Variants in PCDH11X observed in about 807,000 individuals in gnomAD.
The protein encoded by PCDH11X is protocadherin 11 X-linked.
In PCDH11X, 18 loss-of-function variants were observed where a neutral mutation model predicts 53.3. The observed-to-expected ratio is 0.34, with a 90% confidence interval of 0.23 to 0.50. The LOEUF (loss-of-function observed/expected upper bound fraction) is 0.50, where lower values mean the gene tolerates loss of function less well. Among genes scored for constraint, PCDH11X ranks in the 20% least tolerant of loss-of-function variants. The pLI, the probability that PCDH11X is intolerant of heterozygous loss-of-function variation, is 0.98. For missense variants in PCDH11X, 570 were observed against 1,032.4 expected (o/e 0.55, Z 6.14); for synonymous variants, 279 against 393.3 (o/e 0.71, Z 3.44).
chrX:92,492,494 T>A (rs1172957422), intron 10 of PCDH11X, among the ~76,000 whole-genome samples: 1 of 112,361 alleles, frequency 8.9e-6, no homozygotes, highest in Admixed American at 9.5e-5. Flanking sequence ...AATCATTTTA[T>A]TTTGTTCTCT....
intron 8 of PCDH11X, among the ~76,000 whole-genome samples, chrX:92,381,185 T>A (rs1603295163): frequency 9.5e-6 from 1 of 105,070 alleles, no homozygotes; most frequent in Middle Eastern, 4.8e-3. Context: ...AAGATGCAAC[T>A]ATTTTAATTT....
intron 6 of PCDH11X, among the ~76,000 whole-genome samples, chrX:92,173,266 T>G (rs1318944581): frequency 1.8e-5 from 2 of 111,977 alleles, no homozygotes; most frequent in East Asian, 5.6e-4. Context: ...AAACTTGATT[T>G]GTAATCATTT....
At chrX:92,520,418 A>T (rs1265117031) in intron 10 of PCDH11X, among the ~76,000 whole-genome samples, 2 of 106,023 alleles carry the variant, frequency 1.9e-5, no homozygotes, top group African/African-American at 6.9e-5. Flanking sequence ...GTCTTACCTC[A>T]ATATTGATGG....
At chrX:92,120,162 T>C (rs1428108871) in intron 6 of PCDH11X, among the ~76,000 whole-genome samples, 2 of 70,591 alleles carry the variant, frequency 2.8e-5, no homozygotes, top group Admixed American at 1.9e-4. Flanking sequence ...TTTCTTTTTT[T>C]TTTTTTTTTT....
chrX:91,926,621 A>G (rs1218221755), intron 6 of PCDH11X, among the ~76,000 whole-genome samples: 1 of 111,015 alleles, frequency 9.0e-6, no homozygotes, highest in African/African-American at 3.3e-5. Flanking sequence ...TGTATATTCC[A>G]TGTGTAATTC....
Position 92,177,140 on chromosome X carries a change from G to A in PCDH11X, c.3034-24235G>A, listed in dbSNP as rs190369793. ...ATATAAGCATGCACCACCACGCCCA[G>A]CTAATTTTTGTATTTTTAGTAGAGA... On this transcript the variant is annotated intron_variant, in intron 6 of 10. Coordinates refer to ENST00000682573, the MANE Select transcript of PCDH11X (RefSeq NM_032968.5). Among the ~76,000 whole-genome samples, 8 of 108,877 alleles carry A rather than the reference G, an allele frequency of 7.3e-5. No homozygotes were observed. The Admixed American group carries it at 8.0e-4, about 11-fold the overall frequency. The allele number at this position is 108,877 out of a possible 115,157, so 94.5% of individuals were successfully genotyped here.
chrX:92,238,736 A>T (rs1387152586), intron 7 of PCDH11X, among the ~76,000 whole-genome samples: 1 of 111,605 alleles, frequency 9.0e-6, no homozygotes, highest in Non-Finnish European at 1.9e-5. Context: ...ATTGCCTATA[A>T]AATACATGTA....
intron 6 of PCDH11X, among the ~76,000 whole-genome samples, chrX:92,082,233 A>G (rs993940206): frequency 1.2e-4 from 13 of 108,084 alleles, no homozygotes; most frequent in African/African-American, 4.0e-4. Flanking sequence ...TTTACAGATA[A>G]GAATACTTCT....
chrX:92,046,818 T>C (rs936072219), intron 6 of PCDH11X, among the ~76,000 whole-genome samples: 22 of 108,139 alleles, frequency 2.0e-4, no homozygotes, highest in Non-Finnish European at 3.0e-4. Flanking sequence ...CTATTAGAAA[T>C]ACAAAAACTT....
chrX:92,553,214 C>G (rs1318291022), intron 10 of PCDH11X, among the ~76,000 whole-genome samples: 1 of 44,620 alleles, frequency 2.2e-5, no homozygotes, highest in African/African-American at 6.3e-5. Flanking sequence ...GCTTTTTTAA[C>G]TGGGATTTTT....
chrX:91,937,988 A>C (rs1199585492), intron 6 of PCDH11X, among the ~76,000 whole-genome samples: 1 of 111,236 alleles, frequency 9.0e-6, no homozygotes, highest in Non-Finnish European at 1.9e-5. Flanking sequence ...ATTTCATGAC[A>C]AAACAATACT....
intron 7 of PCDH11X, among the ~76,000 whole-genome samples, chrX:92,229,021 C>T (rs978670125): frequency 9.0e-6 from 1 of 111,697 alleles, no homozygotes; most frequent in Non-Finnish European, 1.9e-5. Context: ...AAAAGATTCA[C>T]ATTAAAAATC....
intron 1 of PCDH11X, among the ~76,000 whole-genome samples, chrX:91,800,196 T>G (rs1404801989): frequency 2.7e-5 from 3 of 110,694 alleles, no homozygotes; most frequent in African/African-American, 9.8e-5. Context: ...TTTTCACTAC[T>G]CTTTCTTCAT....
intron 6 of PCDH11X, among the ~76,000 whole-genome samples, chrX:91,915,544 TA>T (rs1339877217): frequency 9.0e-6 from 1 of 110,794 alleles, no homozygotes; most frequent in Non-Finnish European, 1.9e-5. Context: ...TAGCTATTCC[TA>T]TATCAGACAA....
At chrX:91,916,464 G>A (rs755078520) in intron 6 of PCDH11X, among the ~76,000 whole-genome samples, 3 of 111,611 alleles carry the variant, frequency 2.7e-5, no homozygotes, top group South Asian at 3.7e-4. Context: ...ATCCAAATAA[G>A]CTCAATTAGA....
At chrX:92,575,905 GTATATATATATATATATATATATA>G (rs58574424) in intron 10 of PCDH11X, among the ~76,000 whole-genome samples, 1 of 25,827 alleles carries the variant, frequency 3.9e-5, no homozygotes, top group Non-Finnish European at 6.2e-5. Flanking sequence ...TACCTGGTGT[GTATATATATATATATATATATATA>G]TATATATATA....
At chrX:92,514,262 T>G in intron 10 of PCDH11X, among the ~76,000 whole-genome samples, 1 of 104,535 alleles carries the variant, frequency 9.6e-6, no homozygotes, top group Middle Eastern at 4.7e-3. Flanking sequence ...GGTAACTCTA[T>G]GCTTTAAGAC....
intron 9 of PCDH11X, among the ~76,000 whole-genome samples, chrX:92,391,532 A>G (rs558503487): frequency 1.8e-5 from 2 of 111,327 alleles, no homozygotes; most frequent in South Asian, 7.4e-4. Context: ...CAGGTAAAAT[A>G]TGATTTTTGA....
intron 6 of PCDH11X, among the ~76,000 whole-genome samples, chrX:92,086,016 G>A (rs2063944316): frequency 8.9e-6 from 1 of 111,865 alleles, no homozygotes; most frequent in Non-Finnish European, 1.9e-5. Flanking sequence ...TTGATTGCAT[G>A]TTGAAATTTG....
Sources: allele counts gnomAD v4.1 joint callset (sites outside exome capture counted in the v4.1 genomes callset), GRCh38; gene constraint gnomAD v4.1.1; transcripts MANE v1.5; gene names NCBI Gene and HGNC (gene_info 2026-07-23, HGNC 2026-07-21).